TMEM273: variants seen among roughly 807,000 people sequenced by gnomAD.
TMEM273 encodes the protein transmembrane protein 273, also known as chromosome 10 open reading frame 128.
A neutral mutation model predicts 17.9 loss-of-function variants in TMEM273; 19 were observed. The observed-to-expected ratio is 1.06, with a 90% CI of 0.74 to 1.55. The LOEUF is 1.55. Among genes scored for constraint, TMEM273 ranks in the 40% most tolerant of loss-of-function variants. The pLI is 0.00. For missense variants in TMEM273, 194 were observed against 155.6 expected (o/e 1.25, Z -1.31); for synonymous variants, 66 against 62.0 (o/e 1.07, Z -0.31).
chr10:49,176,320 C>A (rs181457082), intron 1 of TMEM273, among the ~76,000 whole-genome samples: 8 of 152,314 alleles, frequency 5.3e-5, no homozygotes, highest in Admixed American at 3.9e-4. Flanking sequence ...TGGCGCTCCC[C>A]AGCAAGGGCA....
chr10:49,182,930 C>T (rs772947123), intron 1 of TMEM273, among the ~76,000 whole-genome samples: 2 of 152,024 alleles, frequency 1.3e-5, no homozygotes, highest in Admixed American at 1.3e-4. Context: ...TATCCCGAAT[C>T]AAATCACCAG....
At chr10:49,167,788 C>G in intron 2 of TMEM273, 121 bp downstream of exon 2, 1 of 1,291,538 alleles carries the variant, frequency 7.7e-7, no homozygotes, top group Non-Finnish European at 1.1e-6. Context: ...GTGAGGGTGC[C>G]CCTTTTCCTA....
chr10:49,175,297 C>T (rs1191607802), intron 1 of TMEM273, among the ~76,000 whole-genome samples: 1 of 152,104 alleles, frequency 6.6e-6, no homozygotes, highest in African/African-American at 2.4e-5. Context: ...ACCCTGCTCC[C>T]AGAGGTGGGA....
rs1175012025 is a variant in TMEM273, at chr10:49,155,861, A to T, written c.*31T>A. 2 of 1,613,984 alleles carry T rather than the reference A, an allele frequency of 1.2e-6. No homozygotes were observed. The highest frequency in any genetic ancestry group is 1.7e-5 in the Admixed American group (1 of 59,996). On this transcript the variant is annotated 3_prime_UTR_variant, in exon 7 of 7. Coordinates refer to ENST00000374153, the MANE Select transcript of TMEM273 (RefSeq NM_001288740.3). Reference sequence around the variant, plus strand: ...ATGGGCTGTTTTCCACGGGGCTAGAACCCCTCTTCACGTCACTGCTCACCT... The same window carrying T: ...ATGGGCTGTTTTCCACGGGGCTAGATCCCCTCTTCACGTCACTGCTCACCT...
intron 1 of TMEM273, among the ~76,000 whole-genome samples, chr10:49,183,698 G>C (rs958863199): frequency 6.6e-6 from 1 of 152,088 alleles, no homozygotes; most frequent in Non-Finnish European, 1.5e-5. Flanking sequence ...CAGTTTCCTT[G>C]TCTGGAAAAA....
chr10:49,168,559 C>T (rs753427852), intron 1 of TMEM273, among the ~76,000 whole-genome samples: 7 of 152,126 alleles, frequency 4.6e-5, no homozygotes, highest in Non-Finnish European at 7.4e-5. Flanking sequence ...CACATCAATA[C>T]GTCTTCTGGC....
At chr10:49,161,447 A>C in intron 6 of TMEM273, 152 bp downstream of exon 6, 1 of 868,944 alleles carries the variant, frequency 1.2e-6, no homozygotes, top group African/African-American at 1.7e-5. Flanking sequence ...CTGGTCTCAC[A>C]GCTGTCCTGG....
At chr10:49,182,423 T>G (rs376421784) in intron 1 of TMEM273, among the ~76,000 whole-genome samples, 2 of 152,212 alleles carry the variant, frequency 1.3e-5, no homozygotes, top group Non-Finnish European at 1.5e-5. Context: ...AAAAAAAGAC[T>G]CTGCTCTCTT....
At chr10:49,172,716 C>G (rs1231559354) in intron 1 of TMEM273, among the ~76,000 whole-genome samples, 1 of 152,214 alleles carries the variant, frequency 6.6e-6, no homozygotes, top group Non-Finnish European at 1.5e-5. Context: ...TCATTGCACA[C>G]AGAGCATGGC....
chr10:49,158,626 A>G lies in TMEM273; in HGVS notation c.373-2717T>C, dbSNP rs946797436. ...AAGCCTCTCTAGGCTCAGCCTCTCC[A>G]GGAAGCTCTCAGCACATGAATAACC... On this transcript the variant is annotated intron_variant, in intron 6 of 6. Transcript: ENST00000374153. 1.2e-3 allele frequency among the ~76,000 whole-genome samples: 177 copies of G among 152,372 alleles called. 3 individuals carry two copies. The highest frequency in any genetic ancestry group is 3.4e-4 in the Non-Finnish European group (23 of 68,034).
At chr10:49,161,557 C>G in intron 6 of TMEM273, 42 bp downstream of exon 6, 3 of 1,613,944 alleles carry the variant, frequency 1.9e-6, no homozygotes, top group Non-Finnish European at 2.5e-6. Context: ...GCAGAGACTG[C>G]CTGTCCTCCT....
At chr10:49,165,342 C>T (rs967725201) in intron 4 of TMEM273, 59 bp from the exon 5 acceptor site, 38 of 1,549,958 alleles carry the variant, frequency 2.5e-5, no homozygotes, top group Non-Finnish European at 3.2e-5. Context: ...AAGGCAGGAC[C>T]GTCCCTGAGG....
chr10:49,158,167 C>T (rs1188977032), intron 6 of TMEM273, among the ~76,000 whole-genome samples: 1 of 152,162 alleles, frequency 6.6e-6, no homozygotes, highest in Non-Finnish European at 1.5e-5. Context: ...CAGAAACACA[C>T]AAAATCAGAT....
intron 2 of TMEM273, among the ~76,000 whole-genome samples, chr10:49,167,422 C>T (rs746070573): frequency 1.3e-5 from 2 of 152,252 alleles, no homozygotes; most frequent in Non-Finnish European, 2.9e-5. Flanking sequence ...TTTGAGGAGC[C>T]TGCAGTCAGC....
chr10:49,174,865 T>A (rs1454902659), intron 1 of TMEM273, among the ~76,000 whole-genome samples: 3 of 152,128 alleles, frequency 2.0e-5, no homozygotes, highest in Non-Finnish European at 4.4e-5. Context: ...ACGCTAAGGC[T>A]TCTGGAAGAC....
At chr10:49,167,049 C>T (rs1321835263) in intron 2 of TMEM273, 40 bp from the exon 3 acceptor site, 3 of 1,605,994 alleles carry the variant, frequency 1.9e-6, no homozygotes, top group Non-Finnish European at 2.6e-6. Context: ...GTTTCAGTCA[C>T]CTGCAGCTCC....
intron 3 of TMEM273, 31 bp downstream of exon 3, chr10:49,166,837 GC>G (rs779066055): frequency 6.2e-7 from 1 of 1,611,530 alleles, no homozygotes; most frequent in Non-Finnish European, 8.5e-7. Context: ...GCTGGGTGGG[GC>G]AGAGCCAGGC....
chr10:49,160,660 G>A (rs1040634555), intron 6 of TMEM273: 4 of 152,052 alleles, frequency 2.6e-5, no homozygotes, highest in African/African-American at 9.7e-5. Context: ...ATTTTCTTAG[G>A]AGTGGTCACT....
rs144552670 is a variant in TMEM273 at position 49,172,489 on chromosome 10, A to G, written c.44-4527T>C. On this transcript the variant is annotated intron_variant, in intron 1 of 6. Transcript: ENST00000374153. ...CCTCAGTTTTCCTCTGAGCAACAAGAGGCCCCACAGCCAGACCCCCAGCCA... is the reference window on the plus strand; with the variant it reads ...CCTCAGTTTTCCTCTGAGCAACAAGGGGCCCCACAGCCAGACCCCCAGCCA... Among the ~76,000 whole-genome samples the G allele has an allele frequency of 2.8e-3, 433 of 152,164 alleles. 7 individuals carry two copies. The highest frequency in any genetic ancestry group is 0.01 in the African/African-American group (419 of 41,514).
Sources: gnomAD v4.1 joint callset for allele counts (sites outside exome capture counted in the v4.1 genomes callset) on GRCh38, gnomAD v4.1.1 for gene constraint, MANE v1.5 for transcripts, NCBI Gene and HGNC (gene_info 2026-07-23, HGNC 2026-07-21) for gene names.